ARID1B: variants seen among roughly 807,000 people sequenced by gnomAD.
The protein encoded by ARID1B is AT-rich interactive domain-containing protein 1B.
A neutral mutation model predicts 212.3 loss-of-function variants in ARID1B; 30 were observed. The ratio of observed to expected loss-of-function variants is 0.14; its 90% confidence interval spans 0.11 to 0.19. The LOEUF is 0.19. ARID1B is among the 10% of genes least tolerant of loss of function. The probability of loss-of-function intolerance (pLI) is 1.00; values close to 1 mark genes in which losing one functional copy is unlikely to be tolerated. For synonymous variants in ARID1B, 1,402 were observed against 1,301.7 expected (o/e 1.08, Z -1.66); for missense variants, 2,891 against 3,204.0 (o/e 0.90, Z 2.36).
At chr6:157,131,737 C>G (rs984868107) in intron 6 of ARID1B, among the ~76,000 whole-genome samples, 7 of 152,206 alleles carry the variant, frequency 4.6e-5, no homozygotes, top group African/African-American at 1.4e-4. Flanking sequence ...ATGGCCCAGG[C>G]TGGAGTGCAG....
rs754129097 is a variant in ARID1B, at chr6:157,207,140, A to G, written c.6368A>G (p.Asp2123Gly). The change falls in exon 20 of 20, where the codon GAT (aspartate) becomes GGT (glycine). Residue 2123 changes from aspartate (D) to glycine (G), a missense_variant. Transcript: ENST00000636930. This position sits in a 1 kb window ranked among gnomAD's most constrained non-coding sequence, Gnocchi z 8.5. ...CCGCAGACCTATGAGAAAGAGGAGGATGAGGACAAGGGGGTGGCCTGCAGC... is the reference window on the plus strand; with the variant it reads ...CCGCAGACCTATGAGAAAGAGGAGGGTGAGGACAAGGGGGTGGCCTGCAGC... ...RAPQTYEKEE[D>G]EDKGVACSKD... 6.2e-7 allele frequency: 1 copy of G among 1,614,196 alleles called. No individual in the cohort carries two copies. The highest frequency in any genetic ancestry group is 8.5e-7 in the Non-Finnish European group (1 of 1,180,028).
rs953753555 is a variant in ARID1B at position 157,200,418 on chromosome 6, G to A, written c.4480-287G>A. Among the ~76,000 whole-genome samples the A allele has an allele frequency of 2.6e-5, 4 of 151,992 alleles. No homozygotes were observed. The highest frequency in any genetic ancestry group is 1.3e-4 in the Admixed American group (2 of 15,274). On this transcript the variant is annotated intron_variant, in intron 17 of 19. Transcript: ENST00000636930. This position sits in a 1 kb window ranked among gnomAD's most constrained non-coding sequence, Gnocchi z 4.3. ...CCGTCTGCCTGTGTGGGAGTTGAACGCTGGCTGTCCCGGTGGCACAGCCTA... is the reference window on the plus strand; with the variant it reads ...CCGTCTGCCTGTGTGGGAGTTGAACACTGGCTGTCCCGGTGGCACAGCCTA...
chr6:156,915,766 C>T (rs904419477), intron 3 of ARID1B, among the ~76,000 whole-genome samples: 2 of 151,870 alleles, frequency 1.3e-5, no homozygotes, highest in African/African-American at 4.8e-5. Context: ...TGTGGTGGTG[C>T]ATACCTGTAG....
At chr6:156,787,829 C>G (rs1418444937) in intron 1 of ARID1B, among the ~76,000 whole-genome samples, 2 of 152,066 alleles carry the variant, frequency 1.3e-5, no homozygotes, top group East Asian at 3.9e-4. Flanking sequence ...ATGGTAAGAT[C>G]ATGGGCTTGG....
chr6:156,905,141 T>C (rs1042863461), intron 3 of ARID1B, among the ~76,000 whole-genome samples: 3 of 152,128 alleles, frequency 2.0e-5, no homozygotes, highest in East Asian at 1.9e-4. Flanking sequence ...AAATCCTTTG[T>C]ATATTAGGGA....
chr6:156,830,531 C>T (rs1745815283), intron 2 of ARID1B, among the ~76,000 whole-genome samples: 2 of 152,190 alleles, frequency 1.3e-5, no homozygotes, highest in Non-Finnish European at 2.9e-5. Flanking sequence ...TGAGCCTTCT[C>T]GTTTATACAC....
At position 156,913,016 on chromosome 6, in the gene ARID1B, ACTTT is replaced by A. The variant is rs540529599; in HGVS notation, c.2136+11496_2136+11499del. ...ATTCTATTGAAATGGCTCTTTTCAT[ACTTT>A]CTTTTTTTTTTTTTTCACTTGCTTT... On this transcript the variant is annotated intron_variant, in intron 3 of 19. Coordinates refer to ENST00000636930, the MANE Select transcript of ARID1B (RefSeq NM_001374828.1). Among the ~76,000 whole-genome samples, 281 of 132,818 alleles carry A rather than the reference ACTTT, an allele frequency of 2.1e-3. 2 individuals carry two copies. Among genetic ancestry groups the A allele is most frequent in the African/African-American group, 7.3e-3 (263 of 35,948 alleles). 87.1% of individuals were successfully genotyped at this position (132,818 alleles called of 152,430 possible). A position where few individuals can be genotyped will look rare whatever the true frequency, so the allele number is the denominator to read the frequency against.
chr6:157,116,234 A>G (rs1159338649), intron 6 of ARID1B, among the ~76,000 whole-genome samples: 4 of 152,170 alleles, frequency 2.6e-5, no homozygotes, highest in Non-Finnish European at 4.4e-5. Context: ...GTTAAGCTTA[A>G]TGAAACTAAC....
At chr6:157,186,890 T>C (rs1350697004) in intron 13 of ARID1B, among the ~76,000 whole-genome samples, 1 of 152,206 alleles carries the variant, frequency 6.6e-6, no homozygotes, top group Non-Finnish European at 1.5e-5. Context: ...AGGTTTCAAT[T>C]TGGGGTGCTA....
intron 1 of ARID1B, among the ~76,000 whole-genome samples, chr6:156,821,260 G>A (rs1782333916): frequency 6.6e-6 from 1 of 152,148 alleles, no homozygotes; most frequent in African/African-American, 2.4e-5. Flanking sequence ...CTGTTGGTGG[G>A]GATGGGGCTG....
At position 156,778,428 on chromosome 6, in the gene ARID1B, G is replaced by C; in HGVS notation, c.748G>C (p.Ala250Pro). The part of the protein sequence containing the change: ...PQHGGAKDSA[A>P]GGQADPPGPP... ...ACATGGAGGCGCCAAGGACAGTGCT[G>C]CGGGCGGCCAGGCCGACCCCCCGGG... The change falls in exon 1 of 20, where the codon GCG (alanine) becomes CCG (proline). Residue 250 changes from alanine (A) to proline (P), a missense_variant. By Grantham distance (27) the Ala-to-Pro change is conservative. Transcript: ENST00000636930. The C allele has an allele frequency of 6.7e-7, 1 of 1,489,374 alleles. No individual in the cohort carries two copies. Among genetic ancestry groups the C allele is most frequent in the Non-Finnish European group, 8.9e-7 (1 of 1,124,328 alleles). The allele number at this position is 1,489,374 out of a possible 1,614,324, so 92.3% of individuals were successfully genotyped here.
At chr6:157,056,159 G>A (rs1247448424) in intron 4 of ARID1B, among the ~76,000 whole-genome samples, 1 of 152,150 alleles carries the variant, frequency 6.6e-6, no homozygotes, top group Non-Finnish European at 1.5e-5. Flanking sequence ...CATACTTAGG[G>A]TCAGGCATTA....
At chr6:156,852,621 G>A (rs1488642305) in intron 2 of ARID1B, among the ~76,000 whole-genome samples, 1 of 152,070 alleles carries the variant, frequency 6.6e-6, no homozygotes, top group Non-Finnish European at 1.5e-5. Context: ...CTAACCACAA[G>A]GAAGCATGTC....
chr6:157,110,413 G>T, intron 5 of ARID1B, 59 bp from the exon 6 acceptor site: 1 of 1,453,250 alleles, frequency 6.9e-7, no homozygotes, highest in South Asian at 1.1e-5. Context: ...GGTTTTGCAT[G>T]ACTGCATTAT....
At chr6:157,039,798 TTC>T (rs1781707152) in intron 4 of ARID1B, among the ~76,000 whole-genome samples, 1 of 140,368 alleles carries the variant, frequency 7.1e-6, no homozygotes. Flanking sequence ...CCTTCCTTCT[TTC>T]TTTCTCTTTC....
chr6:156,957,457 C>A (rs1794051976), intron 4 of ARID1B, among the ~76,000 whole-genome samples: 1 of 152,032 alleles, frequency 6.6e-6, no homozygotes, highest in Non-Finnish European at 1.5e-5. Context: ...AGTAGCAGGC[C>A]AAGTTCCAGC....
intron 4 of ARID1B, among the ~76,000 whole-genome samples, chr6:157,019,856 A>AC: frequency 6.6e-6 from 1 of 152,324 alleles, no homozygotes; most frequent in Non-Finnish European, 1.5e-5. Flanking sequence ...CGAGGACACA[A>AC]CCATGCCATT....
intron 4 of ARID1B, among the ~76,000 whole-genome samples, chr6:156,948,952 A>G (rs1461008350): frequency 6.6e-6 from 1 of 152,250 alleles, no homozygotes; most frequent in African/African-American, 2.4e-5. Flanking sequence ...CATCTTGTGG[A>G]AGTCTTGACT....
At chr6:157,058,811 A>G (rs985661646) in intron 4 of ARID1B, among the ~76,000 whole-genome samples, 1 of 152,144 alleles carries the variant, frequency 6.6e-6, no homozygotes, top group Admixed American at 6.5e-5. Context: ...GTAGCACCTG[A>G]CCAGCGATAT....
Sources: allele counts gnomAD v4.1 joint callset (sites outside exome capture counted in the v4.1 genomes callset), GRCh38; gene constraint gnomAD v4.1.1; non-coding constraint Gnocchi (gnomAD v3.1); transcripts MANE v1.5; gene names NCBI Gene and HGNC (gene_info 2026-07-23, HGNC 2026-07-21).